The following LPA variants were observed in gnomAD, a reference collection of about 807,000 sequenced individuals.
LPA encodes the protein lipoprotein(a).
In LPA, 199 loss-of-function variants were observed where a neutral mutation model predicts 197.9. The ratio of observed to expected loss-of-function variants is 1.01; its 90% CI spans 0.90 to 1.13. LPA has a LOEUF of 1.13. Among genes scored for constraint, LPA ranks in the 50% most tolerant of loss-of-function variants. The pLI is 0.00. For missense variants in LPA, 1,853 were observed against 1,785.8 expected, an observed-to-expected ratio of 1.04 and a Z score of -0.68; for synonymous variants, 715 against 639.5, an observed-to-expected ratio of 1.12 and a Z score of -1.78.
intron 1 of LPA, 143 bp from the exon 2 acceptor site, chr6:160,650,640 A>G: frequency 1.4e-6 from 1 of 740,666 alleles, no homozygotes; most frequent in South Asian, 1.5e-5. Flanking sequence ...AGACGTGCAA[A>G]AAACCAAAGG....
chr6:160,605,176 C>T lies in LPA; in HGVS notation c.2815G>A (p.Glu939Lys). 1 of 1,613,914 alleles carries T rather than the reference C, an allele frequency of 6.2e-7. No homozygotes were observed. The highest frequency in any genetic ancestry group is 2.2e-5 in the East Asian group (1 of 44,876). The change falls in exon 18 of 39, where the codon GAG becomes AAG. Residue 939 changes from glutamate to lysine, a missense_variant. Glu to Lys is a moderately conservative substitution (Grantham distance 56). This residue lies in a region of LPA where 1,737 missense variants were observed against 1,504.4 expected (regional missense o/e 1.15). Transcript: ENST00000316300. The part of the protein sequence containing the change: ...APTEQRPGVQ[E>K]CYHGNGQSYQ... ...CTCTGTCCATTTCCGTGGTAGCACTCCTGCACCCCAGGCCTTTGCTCAGTT... is the reference window on the plus strand; with the variant it reads ...CTCTGTCCATTTCCGTGGTAGCACTTCTGCACCCCAGGCCTTTGCTCAGTT...
intron 31 of LPA, 133 bp downstream of exon 31, chr6:160,548,345 C>A (rs1311335874): frequency 2.7e-5 from 25 of 915,726 alleles, no homozygotes; most frequent in Non-Finnish European, 3.4e-5. Flanking sequence ...CATGGCAGAA[C>A]CTCAACCAAC....
intron 24 of LPA, among the ~76,000 whole-genome samples, chr6:160,587,781 G>C (rs1433696541): frequency 4.9e-5 from 6 of 121,232 alleles, no homozygotes; most frequent in Non-Finnish European, 1.0e-4. Context: ...GTGTGTGTGT[G>C]TGTGTGTGTG....
chr6:160,586,105 G>T (rs1158746945), intron 25 of LPA, among the ~76,000 whole-genome samples: 1 of 152,190 alleles, frequency 6.6e-6, no homozygotes, highest in Non-Finnish European at 1.5e-5. Flanking sequence ...TGAAGAAAGG[G>T]CTGGACAGGC....
chr6:160,596,734 G>A (rs1052595615), intron 20 of LPA, among the ~76,000 whole-genome samples: 3 of 152,082 alleles, frequency 2.0e-5, no homozygotes, highest in African/African-American at 4.8e-5. Flanking sequence ...GGTACTCAAA[G>A]GTCCTCAGGT....
In LPA at chr6:160,641,077, G is replaced by C. The variant is rs556137643; in HGVS notation, c.552-229C>G. Among the ~76,000 whole-genome samples the C allele has an allele frequency of 3.6e-5, 5 of 138,822 alleles. 1 individual carries two copies. The highest frequency in any genetic ancestry group is 1.4e-4 in the African/African-American group (5 of 34,746). The allele number at this position is 138,822 out of a possible 152,430, so 91.1% of individuals were successfully genotyped here. On this transcript the variant is annotated intron_variant, in intron 4 of 38. Coordinates refer to ENST00000316300, the MANE Select transcript of LPA (RefSeq NM_005577.4). ...TATTTTTTTAAATAAAAAATCTAAA[G>C]TAGCAAACGCTTCTTAGAAACACTG...
intron 37 of LPA, among the ~76,000 whole-genome samples, 155 bp downstream of exon 37, chr6:160,537,699 AT>A (rs1228960267): frequency 6.6e-6 from 1 of 152,254 alleles, no homozygotes; most frequent in African/African-American, 2.4e-5. Flanking sequence ...TTGAAGACTG[AT>A]TATGGAGACA....
At chr6:160,579,966 C>G (rs919185112) in intron 26 of LPA, among the ~76,000 whole-genome samples, 1 of 152,096 alleles carries the variant, frequency 6.6e-6, no homozygotes, top group African/African-American at 2.4e-5. Flanking sequence ...CTTGTGTAGC[C>G]CACACTGCCC....
At chr6:160,662,024 G>C (rs1027982618) in intron 1 of LPA, among the ~76,000 whole-genome samples, 4 of 152,130 alleles carry the variant, frequency 2.6e-5, no homozygotes, top group Admixed American at 6.5e-5. Flanking sequence ...GCTTCATAGA[G>C]CATCACTGCT....
At position 160,586,586 on chromosome 6, in the gene LPA, C is replaced by T. The variant is rs201628383; in HGVS notation, c.3992G>A (p.Arg1331His). The change falls in exon 25 of 39, where the codon CGC becomes CAC. Residue 1331 changes from arginine to histidine, a missense_variant. This residue lies in a region of LPA where 1,737 missense variants were observed against 1,504.4 expected (regional missense o/e 1.15). Transcript: ENST00000316300. ...NYCRNPDAEI[R>H]PWCYTMDPSV... is the part of the protein sequence containing the mutation. Reference sequence around the variant, plus strand: ...GGGATCCATGGTATAACACCAAGGGCGAATCTCAGCATCTGGATTCCTGCA... The same window carrying T: ...GGGATCCATGGTATAACACCAAGGGTGAATCTCAGCATCTGGATTCCTGCA... 2.1e-5 allele frequency: 34 copies of T among 1,613,576 alleles called. No individual in the cohort carries two copies. Among genetic ancestry groups the T allele is most frequent in the Middle Eastern group, 1.7e-4 (1 of 6,050 alleles).
In LPA at chr6:160,545,460, T is replaced by A. The variant is rs1292315109; in HGVS notation, c.5378A>T (p.Tyr1793Phe). The stretch of plus-strand genomic sequence containing the variant: ...CTTACCACAGAGAGGGATATCACAG[T>A]AGTCAAAAAGTTTTCTTGGATTCAT... ...YTMNPRKLFD[Y>F]CDIPLCASSS... Residue 1793 changes from tyrosine (Y) to phenylalanine (F), a missense_variant, in exon 33 of 39, where the codon TAC becomes TTC. Transcript: ENST00000316300. 1 of 1,608,554 alleles carries A rather than the reference T, an allele frequency of 6.2e-7. No individual in the cohort carries two copies. The highest frequency in any genetic ancestry group is 8.5e-7 in the Non-Finnish European group (1 of 1,175,614).
intron 17 of LPA, 33 bp downstream of exon 17, chr6:160,606,444 A>G: frequency 6.2e-7 from 1 of 1,611,318 alleles, no homozygotes; most frequent in Non-Finnish European, 8.5e-7. Context: ...CCCAGCATCG[A>G]AACGTGTAGG....
intron 16 of LPA, 141 bp from the exon 17 acceptor site, chr6:160,606,799 G>C (rs1244897224): frequency 3.0e-5 from 39 of 1,286,630 alleles, no homozygotes; most frequent in Non-Finnish European, 4.2e-5. Context: ...ATTGCCACAA[G>C]CACAAATGGC....
intron 16 of LPA, among the ~76,000 whole-genome samples, chr6:160,610,859 TACC>T (rs1779488026): frequency 6.6e-6 from 1 of 152,186 alleles, no homozygotes; most frequent in Admixed American, 6.5e-5. Context: ...CTAGGTCCTC[TACC>T]ATCTGTTGTC....
At chr6:160,569,527 C>G (rs1001840246) in intron 28 of LPA, among the ~76,000 whole-genome samples, 2 of 152,102 alleles carry the variant, frequency 1.3e-5, no homozygotes, top group African/African-American at 4.8e-5. Flanking sequence ...ACCATATAAA[C>G]CCTAGAAGAA....
chr6:160,535,788 CG>C (rs1483285966), intron 37 of LPA, among the ~76,000 whole-genome samples: 2 of 151,886 alleles, frequency 1.3e-5, no homozygotes, highest in African/African-American at 4.8e-5. Flanking sequence ...GATGAGAAAG[CG>C]GAGGCTAAAA....
At chr6:160,590,917 G>A (rs1189556714) in intron 23 of LPA, 27 bp downstream of exon 23, 2 of 1,613,794 alleles carry the variant, frequency 1.2e-6, no homozygotes, top group Admixed American at 1.7e-5. Flanking sequence ...GTCCAAGGGT[G>A]TGGTTGTCTG....
At chr6:160,584,482 C>T (rs920103108) in intron 26 of LPA, among the ~76,000 whole-genome samples, 2 of 151,772 alleles carry the variant, frequency 1.3e-5, no homozygotes, top group African/African-American at 2.4e-5. Context: ...CAGGTACCCA[C>T]CACCATGACC....
chr6:160,557,591 A>G lies in LPA; in HGVS notation c.4632-20T>C. 8 of 1,613,558 alleles carry G rather than the reference A, an allele frequency of 5.0e-6. No individual in the cohort carries two copies. The highest frequency in any genetic ancestry group is 6.8e-6 in the Non-Finnish European group (8 of 1,179,500). On this transcript the variant is annotated intron_variant, in intron 28 of 38. Coordinates refer to ENST00000316300, the MANE Select transcript of LPA (RefSeq NM_005577.4). ...AGGCCACTGCAAATTCCAAAACAAC[A>G]CAGGTCACAAGAGGCGGGAAAAAAT...
Sources: allele counts gnomAD v4.1 joint callset (sites outside exome capture counted in the v4.1 genomes callset), GRCh38; gene constraint gnomAD v4.1.1; regional missense constraint gnomAD v4.1.1; transcripts MANE v1.5; gene names NCBI Gene and HGNC (gene_info 2026-07-23, HGNC 2026-07-21).